The following EYS variants were observed in gnomAD, a reference collection of about 807,000 sequenced individuals.
The protein encoded by EYS is protein eyes shut homolog.
Under a neutral mutation model 282.1 loss-of-function variants are expected in EYS, and 250 were observed. The observed-to-expected ratio is 0.89, with a 90% CI of 0.80 to 0.98. EYS has a LOEUF of 0.98. Among genes scored for constraint, EYS ranks in the 50% least tolerant of loss-of-function variants. The probability of loss-of-function intolerance (pLI) is 0.00; values close to 1 mark genes in which losing one functional copy is unlikely to be tolerated. For missense variants in EYS, 4,016 were observed against 3,709.0 expected (o/e 1.08, Z -2.15); for synonymous variants, 1,355 against 1,282.9 (o/e 1.06, Z -1.20).
intron 31 of EYS, among the ~76,000 whole-genome samples, chr6:64,223,561 T>C (rs1400790928): frequency 6.6e-6 from 1 of 152,042 alleles, no homozygotes; most frequent in South Asian, 2.1e-4. Context: ...GGACCTTGTA[T>C]TCTAGTTCTA....
intron 12 of EYS, among the ~76,000 whole-genome samples, chr6:65,203,731 CAA>C (rs1765960342): frequency 6.6e-6 from 1 of 151,912 alleles, no homozygotes; most frequent in Admixed American, 6.6e-5. Flanking sequence ...TAACCAAAAT[CAA>C]AACATTGAAA....
chr6:64,405,414 G>A (rs906976436), intron 28 of EYS, among the ~76,000 whole-genome samples: 4 of 152,146 alleles, frequency 2.6e-5, no homozygotes, highest in Admixed American at 1.3e-4. Flanking sequence ...TTTGAAAACC[G>A]GCACAGGACA....
chr6:65,190,383 A>G (rs185901466), intron 12 of EYS, among the ~76,000 whole-genome samples: 1 of 150,234 alleles, frequency 6.7e-6, no homozygotes, highest in Admixed American at 6.7e-5. Flanking sequence ...ACTATTTTAC[A>G]TTCATCGTTA....
At chr6:65,177,690 G>A (rs1017446783) in intron 12 of EYS, among the ~76,000 whole-genome samples, 1 of 151,592 alleles carries the variant, frequency 6.6e-6, no homozygotes, top group African/African-American at 2.4e-5. Context: ...TCTCTAAATG[G>A]ACAAATGAAC....
intron 1 of EYS, among the ~76,000 whole-genome samples, chr6:65,664,285 C>T (rs1450765202): frequency 1.3e-5 from 2 of 152,034 alleles, no homozygotes; most frequent in Non-Finnish European, 2.9e-5. Context: ...GGCAAAAGCA[C>T]ACCATGCACA....
At chr6:65,266,989 T>TATATATATAGAG (rs144200033) in intron 12 of EYS, among the ~76,000 whole-genome samples, 281 of 142,126 alleles carry the variant, frequency 2.0e-3, no homozygotes, top group African/African-American at 6.8e-3. Context: ...TATATATATA[T>TATATATATAGAG]AGAGAGAGAG....
chr6:64,841,234 C>A (rs1421042859), intron 19 of EYS, among the ~76,000 whole-genome samples: 2 of 152,100 alleles, frequency 1.3e-5, no homozygotes, highest in Admixed American at 6.6e-5. Flanking sequence ...AACACTTAAT[C>A]ATGTGTTCAT....
intron 2 of EYS, among the ~76,000 whole-genome samples, chr6:65,525,080 T>C (rs949599151): frequency 7.2e-5 from 11 of 151,930 alleles, no homozygotes; most frequent in African/African-American, 1.9e-4. Flanking sequence ...AATTTTACTT[T>C]AAGTTCTGGG....
intron 28 of EYS, among the ~76,000 whole-genome samples, chr6:64,394,412 T>A (rs1275694038): frequency 1.3e-5 from 2 of 152,166 alleles, no homozygotes; most frequent in Non-Finnish European, 2.9e-5. Context: ...CAAAACAGCA[T>A]GGCACTGGTA....
chr6:64,090,658 A>T (rs1439002256), intron 31 of EYS, among the ~76,000 whole-genome samples: 1 of 152,070 alleles, frequency 6.6e-6, no homozygotes, highest in Non-Finnish European at 1.5e-5. Context: ...GGCTGAAAAA[A>T]CATGCCTCTA....
intron 12 of EYS, among the ~76,000 whole-genome samples, chr6:65,144,999 G>A (rs1001376658): frequency 6.6e-6 from 1 of 151,846 alleles, no homozygotes; most frequent in African/African-American, 2.4e-5. Context: ...TCAAACTCCT[G>A]ACCTCATGTG....
chr6:64,914,314 A>G (rs1768097658), intron 15 of EYS, among the ~76,000 whole-genome samples: 1 of 152,182 alleles, frequency 6.6e-6, no homozygotes, highest in South Asian at 2.1e-4. Flanking sequence ...CCAAATCTTG[A>G]GCAACTTTAC....
intron 14 of EYS, among the ~76,000 whole-genome samples, chr6:64,988,871 T>C (rs2150121075): frequency 6.6e-6 from 1 of 151,658 alleles, no homozygotes; most frequent in East Asian, 1.9e-4. Flanking sequence ...AAATTATTTT[T>C]AACACAAAAG....
Position 65,640,000 on chromosome 6 carries a change from G to C in EYS, c.-447-108C>G, listed in dbSNP as rs149447979. 1.3e-3 allele frequency: 199 copies of C among 152,188 alleles called. 1 individual carries two copies. Among genetic ancestry groups the C allele is most frequent in the African/African-American group, 4.6e-3 (190 of 41,528 alleles). 9.4% of individuals were successfully genotyped at this position (152,188 alleles called of 1,614,324 possible). On this transcript the variant is annotated intron_variant, in intron 1 of 42. Transcript: ENST00000503581. ...GATATAATCCCCTCCTTTCAGATTA[G>C]CCAGTATCCTGCCTTTAGCTATAGT...
At chr6:64,678,237 T>C (rs1769761765) in intron 22 of EYS, among the ~76,000 whole-genome samples, 1 of 151,974 alleles carries the variant, frequency 6.6e-6, no homozygotes, top group Non-Finnish European at 1.5e-5. Context: ...CTATTTTTGA[T>C]ACTCAAAAGC....
chr6:64,182,630 C>A (rs1343204633), intron 31 of EYS, among the ~76,000 whole-genome samples: 5 of 152,160 alleles, frequency 3.3e-5, no homozygotes, highest in Admixed American at 6.6e-5. Context: ...CATCAGTGAT[C>A]GTGTCCTGCT....
chr6:64,996,417 C>T (rs141642772), intron 14 of EYS, among the ~76,000 whole-genome samples: 2 of 152,154 alleles, frequency 1.3e-5, no homozygotes, highest in Middle Eastern at 3.2e-3. Flanking sequence ...GTCACGCATA[C>T]TTTTCCTCAC....
intron 28 of EYS, among the ~76,000 whole-genome samples, chr6:64,414,298 C>A (rs1402076384): frequency 6.6e-6 from 1 of 151,970 alleles, no homozygotes; most frequent in Non-Finnish European, 1.5e-5. Flanking sequence ...TGGAGCCATG[C>A]CTTCAAAATT....
intron 2 of EYS, among the ~76,000 whole-genome samples, chr6:65,512,325 T>A (rs979338456): frequency 6.6e-6 from 1 of 151,810 alleles, no homozygotes; most frequent in Non-Finnish European, 1.5e-5. Flanking sequence ...ACCCCATTTC[T>A]ACTAAAAATA....
Sources: allele counts gnomAD v4.1 joint callset (sites outside exome capture counted in the v4.1 genomes callset), GRCh38; gene constraint gnomAD v4.1.1; transcripts MANE v1.5; gene names NCBI Gene and HGNC (gene_info 2026-07-23, HGNC 2026-07-21).